Variants in LRRC47 observed in about 807,000 individuals in gnomAD.
The protein encoded by LRRC47 is leucine rich repeat containing 47, also known as leucine-rich repeat-containing protein 47.
LRRC47 carries 31 observed loss-of-function variants against 40.9 expected under a neutral mutation model. That is an observed-to-expected ratio of 0.76 (90% CI 0.57 to 1.02). The LOEUF is 1.02. LRRC47 is among the 50% of genes least tolerant of loss of function. The pLI is 0.00. For missense variants in LRRC47, 726 were observed against 796.1 expected, an observed-to-expected ratio of 0.91 and a Z score of 1.06; for synonymous variants, 427 against 371.9, an observed-to-expected ratio of 1.15 and a Z score of -1.70.
chr1:3,787,435 G>A lies in LRRC47; in HGVS notation c.616-125C>T, dbSNP rs543822493. On this transcript the variant is annotated intron_variant, in intron 1 of 6. Coordinates refer to ENST00000378251, the MANE Select transcript of LRRC47 (RefSeq NM_020710.3). ...CCACCACTGGCCTGTCTGTGGGGAC[G>A]CGTCCCTGGGGAGCCACAAGTCATT... is the stretch of plus-strand genomic sequence containing the variant. 133 of 908,930 alleles carry A rather than the reference G, an allele frequency of 1.5e-4. 1 individual carries two copies. In the African/African-American group the frequency reaches 1.9e-3, roughly 13 times the overall value. 56.3% of individuals were successfully genotyped at this position (908,930 alleles called of 1,614,324 possible). A position where few individuals can be genotyped will look rare whatever the true frequency, so the allele number is the denominator to read the frequency against.
intron 5 of LRRC47, 43 bp downstream of exon 5, chr1:3,782,618 A>T (rs1324884322): frequency 8.8e-7 from 1 of 1,135,658 alleles, no homozygotes; most frequent in East Asian, 2.3e-5. Flanking sequence ...TCTACAGGGA[A>T]CAGCCTAGAA....
chr1:3,782,052 C>T (rs1643525338), intron 5 of LRRC47, among the ~76,000 whole-genome samples: 1 of 152,192 alleles, frequency 6.6e-6, no homozygotes, highest in Non-Finnish European at 1.5e-5. Flanking sequence ...CAGTGCTGCA[C>T]ACAGCATCCC....
At position 3,781,099 on chromosome 1, in the gene LRRC47, C is replaced by T. The variant is rs11547615; in HGVS notation, c.1741G>A (p.Val581Ile). 42,236 of 1,613,842 alleles carry T rather than the reference C, an allele frequency of 0.026. 712 individuals carry two copies. Among genetic ancestry groups the T allele is most frequent in the South Asian group, 0.049 (4,495 of 91,068 alleles). Residue 581 changes from valine (V) to isoleucine (I), a missense_variant, in exon 7 of 7, where the codon GTC becomes ATC. Val to Ile is a conservative substitution (Grantham distance 29). Transcript: ENST00000378251. ...AGGCGGCCCTGGCGTCAGCGCACGA[C>T]AGTCACGTGGGGAGGGGCAGTGGCC... is the stretch of plus-strand genomic sequence containing the variant. ...DLATAPPHVT[V>I]VR
Position 3,783,204 on chromosome 1 carries a change from G to C in LRRC47, c.1311-441C>G, listed in dbSNP as rs544852640. On this transcript the variant is annotated intron_variant, in intron 4 of 6. Transcript: ENST00000378251. ...GGAGGCTGAGGCAGGCAGACTGCTT[G>C]AAGTCAGGAGTTCAGGACCAGCCTG... The C allele has an allele frequency of 4.0e-4, 63 of 158,500 alleles. 1 individual carries two copies. In the South Asian group the frequency reaches 0.011, roughly 27 times the overall value. 9.8% of individuals were successfully genotyped at this position (158,500 alleles called of 1,614,324 possible).
At chr1:3,785,806 G>A (rs1432442237) in intron 2 of LRRC47, among the ~76,000 whole-genome samples, 1 of 151,916 alleles carries the variant, frequency 6.6e-6, no homozygotes, top group Non-Finnish European at 1.5e-5. Context: ...AAAACAAAAT[G>A]TGTGATTTAC....
chr1:3,792,200 C>T (rs1371799252), intron 1 of LRRC47, among the ~76,000 whole-genome samples: 1 of 152,200 alleles, frequency 6.6e-6, no homozygotes, highest in African/African-American at 2.4e-5. Context: ...GGTAGCCATT[C>T]CTCAGAAAGG....
chr1:3,796,156 C>A lies in LRRC47; in HGVS notation c.321G>T (p.Ser107=). The A allele has an allele frequency of 6.9e-7, 1 of 1,439,542 alleles. No homozygotes were observed. Among genetic ancestry groups the A allele is most frequent in the Non-Finnish European group, 9.1e-7 (1 of 1,103,342 alleles). 89.2% of individuals were successfully genotyped at this position (1,439,542 alleles called of 1,614,324 possible). A position where few individuals can be genotyped will look rare whatever the true frequency, so the allele number is the denominator to read the frequency against. ...PLPALRVLDL[S]GNALEALPPG... is the part of the protein sequence containing the mutation. ...GCGGCAGCGCCTCCAGCGCGTTGCCCGACAGGTCGAGCACCCGAAGGGCAG... is the reference window on the plus strand; with the variant it reads ...GCGGCAGCGCCTCCAGCGCGTTGCCAGACAGGTCGAGCACCCGAAGGGCAG... The change falls in exon 1 of 7, where the codon TCG becomes TCT. Residue 107 remains serine (S), a synonymous_variant. Coordinates refer to ENST00000378251, the MANE Select transcript of LRRC47 (RefSeq NM_020710.3).
rs577591149 is a variant in LRRC47 at position 3,781,584 on chromosome 1, A to G, written c.1431T>C (p.Ser477=). The change falls in exon 6 of 7, where the codon TCT becomes TCC. Residue 477 remains serine, a synonymous_variant. Transcript: ENST00000378251. ...CACTTGTTACTTCCAAAAACAAATC[A>G]GAAGTCGTTTTCTTAACCTTAAAAG... is the stretch of plus-strand genomic sequence containing the variant. ...SEKTKVKKTT[S]DLFLEVTSAT... The G allele has an allele frequency of 1.2e-6, 2 of 1,613,832 alleles. No homozygotes were observed. The highest frequency in any genetic ancestry group is 2.7e-5 in the African/African-American group (2 of 75,054).
intron 2 of LRRC47, 122 bp downstream of exon 2, chr1:3,786,727 C>T (rs1643576958): frequency 2.2e-6 from 2 of 920,408 alleles, no homozygotes; most frequent in Non-Finnish European, 3.2e-6. Context: ...AGCACACAGA[C>T]ACCCGGCTGG....
chr1:3,784,197 A>G, intron 3 of LRRC47, 86 bp from the exon 4 acceptor site: 4 of 1,120,124 alleles, frequency 3.6e-6, no homozygotes, highest in Non-Finnish European at 5.2e-6. Context: ...AGCCTCAATG[A>G]GCCCTCCCGA....
At chr1:3,784,993 CAAAA>C in intron 3 of LRRC47, 90 bp downstream of exon 3, 10 of 708,188 alleles carry the variant, frequency 1.4e-5, no homozygotes, top group East Asian at 3.9e-5. Context: ...ACTCCATCTC[CAAAA>C]AAAAAAAAAG....
At chr1:3,788,425 G>A (rs956063344) in intron 1 of LRRC47, among the ~76,000 whole-genome samples, 3 of 152,196 alleles carry the variant, frequency 2.0e-5, no homozygotes, top group Non-Finnish European at 4.4e-5. Context: ...GCCAGCACTC[G>A]CCCTTGGTCA....
Position 3,787,284 on chromosome 1 carries a change from C to T in LRRC47, c.642G>A (p.Leu214=), listed in dbSNP as rs1386225290. 1.2e-6 allele frequency: 2 copies of T among 1,612,556 alleles called. No individual in the cohort carries two copies. The highest frequency in any genetic ancestry group is 1.7e-6 in the Non-Finnish European group (2 of 1,179,898). Residue 214 remains leucine, a synonymous_variant, in exon 2 of 7, where the codon CTG becomes CTA. Coordinates refer to ENST00000378251, the MANE Select transcript of LRRC47 (RefSeq NM_020710.3). ...LKTLDLSNNQ[L]SEIPAELADC... is the part of the protein sequence containing the mutation. Reference sequence around the variant, plus strand: ...CCGCAAGCTCTGCAGGGATCTCGCTCAGCTGGTTGTTCGAGAGGTCCAACG... The same window carrying T: ...CCGCAAGCTCTGCAGGGATCTCGCTTAGCTGGTTGTTCGAGAGGTCCAACG...
rs745811127 is a variant in LRRC47, at chr1:3,786,971, CG to C, written c.954del (p.Val319TyrfsTer3). 6.2e-7 allele frequency: 1 copy of C among 1,611,214 alleles called. No homozygotes were observed. The highest frequency in any genetic ancestry group is 8.5e-7 in the Non-Finnish European group (1 of 1,178,904). On this transcript the variant is annotated frameshift_variant, in exon 2 of 7. Coordinates refer to ENST00000378251, the MANE Select transcript of LRRC47 (RefSeq NM_020710.3). LOFTEE classifies it high-confidence loss of function. ...GGGCTCACTCTGACTGTCAGAGGTA[CG>C]GGGTTTTCAGAGACGTGCAGGACCC... is the stretch of plus-strand genomic sequence containing the variant. ...LLRVLHVSEN[P>X]VPLTVRVSPE...
chr1:3,783,622 A>T (rs1643542639), intron 4 of LRRC47: 1 of 188,274 alleles, frequency 5.3e-6, no homozygotes, highest in African/African-American at 2.3e-5. Flanking sequence ...AGCACCAAGG[A>T]CCCTGACTTG....
At chr1:3,784,310 G>A (rs986918867) in intron 3 of LRRC47, 199 bp from the exon 4 acceptor site, 1 of 572,780 alleles carries the variant, frequency 1.7e-6, no homozygotes, top group Non-Finnish European at 3.1e-6. Flanking sequence ...GGGGAGACCT[G>A]ACGCCCAAAC....
chr1:3,786,749 C>T (rs1479616981), intron 2 of LRRC47, 100 bp downstream of exon 2: 8 of 1,155,472 alleles, frequency 6.9e-6, no homozygotes, highest in Non-Finnish European at 9.6e-6. Context: ...CCCCATACTC[C>T]ACTGCTGCTC....
intron 2 of LRRC47, among the ~76,000 whole-genome samples, chr1:3,786,139 G>A (rs1643570243): frequency 6.6e-6 from 1 of 151,806 alleles, no homozygotes; most frequent in South Asian, 2.1e-4. Context: ...TGAAGTGCTG[G>A]GATTACAGGC....
chr1:3,781,644 G>A, intron 5 of LRRC47, 43 bp from the exon 6 acceptor site: 5 of 1,490,858 alleles, frequency 3.4e-6, no homozygotes, highest in Non-Finnish European at 4.6e-6. Context: ...GTTATCAAAT[G>A]TAGACATCAG....
Sources: allele counts gnomAD v4.1 joint callset (sites outside exome capture counted in the v4.1 genomes callset), GRCh38; gene constraint gnomAD v4.1.1; transcripts MANE v1.5; gene names NCBI Gene and HGNC (gene_info 2026-07-23, HGNC 2026-07-21).